DNAH14: variants seen among roughly 807,000 people sequenced by gnomAD.
DNAH14 encodes dynein axonemal heavy chain 14.
Under a neutral mutation model 520.9 loss-of-function variants are expected in DNAH14, and 478 were observed. The ratio of observed to expected loss-of-function variants is 0.92; its 90% CI spans 0.85 to 0.99. The LOEUF (loss-of-function observed/expected upper bound fraction) is 0.99. Among genes scored for constraint, DNAH14 ranks in the 50% least tolerant of loss-of-function variants. The pLI is 0.00. For missense variants in DNAH14, 4,831 were observed against 5,234.5 expected (o/e 0.92, Z 2.38); for synonymous variants, 1,581 against 1,757.2 (o/e 0.90, Z 2.51).
At chr1:225,393,814 G>GTTTTTTTTTTTT (rs1354333069) in intron 84 of DNAH14, among the ~76,000 whole-genome samples, 1 of 143,120 alleles carries the variant, frequency 7.0e-6, no homozygotes. Context: ...ATCTTTTTTT[G>GTTTTTTTTTTTT]TTTTTTTTTT....
At chr1:225,147,345 T>C (rs2080047675) in intron 31 of DNAH14, 96 bp downstream of exon 31, 1 of 1,309,856 alleles carries the variant, frequency 7.6e-7, no homozygotes, top group Non-Finnish European at 9.9e-7. Flanking sequence ...AATAAGTGTT[T>C]AGGTCTTTGG....
At chr1:225,181,134 C>T (rs1002708731) in intron 36 of DNAH14, among the ~76,000 whole-genome samples, 1 of 152,112 alleles carries the variant, frequency 6.6e-6, no homozygotes, top group Non-Finnish European at 1.5e-5. Context: ...CATCTGCATC[C>T]ATGTTGCTAT....
At chr1:225,034,206 G>A (rs1243357210) in intron 11 of DNAH14, among the ~76,000 whole-genome samples, 1 of 151,970 alleles carries the variant, frequency 6.6e-6, no homozygotes, top group Non-Finnish European at 1.5e-5. Flanking sequence ...GTTTGTCATA[G>A]ATGACTCATT....
intron 66 of DNAH14, among the ~76,000 whole-genome samples, chr1:225,335,587 A>G (rs115873637): frequency 1.3e-5 from 1 of 75,110 alleles, no homozygotes; most frequent in Non-Finnish European, 2.5e-5. Context: ...ATATGTGCAT[A>G]TATGTATATA....
intron 35 of DNAH14, among the ~76,000 whole-genome samples, chr1:225,165,861 A>C (rs566856604): frequency 6.2e-4 from 94 of 152,274 alleles, no homozygotes; most frequent in African/African-American, 2.2e-3. Context: ...CTGGGGTTAC[A>C]GTAGTGAGAC....
chr1:225,089,464 A>AAAAAAAAAAAAAAAG (rs775049047), intron 21 of DNAH14, among the ~76,000 whole-genome samples: 10 of 138,384 alleles, frequency 7.2e-5, no homozygotes, highest in Non-Finnish European at 1.3e-4. Flanking sequence ...AAAAAAAAAA[A>AAAAAAAAAAAAAAAG]AGAGAGCGAG....
Position 225,389,768 on chromosome 1 carries a change from AT to A in DNAH14, c.13227del (p.Pro4410HisfsTer61), listed in dbSNP as rs2095882140. On this transcript the variant is annotated frameshift_variant, in exon 83 of 86. Transcript: ENST00000682510. LOFTEE classifies it high-confidence loss of function. Reference sequence around the variant, plus strand: ...ATTTGTCACAGTTTGGAAGCAGTCTATTCCATCAACTAGCCAAAAATGCAAA... The same window carrying A: ...ATTTGTCACAGTTTGGAAGCAGTCTATCCATCAACTAGCCAAAAATGCAAA... ...MRFVTVWKQS[I>X]PSTSQKCKHP... The A allele has an allele frequency of 6.4e-7, 1 of 1,552,124 alleles. No individual in the cohort carries two copies. Among genetic ancestry groups the A allele is most frequent in the African/African-American group, 1.4e-5 (1 of 73,060 alleles).
At chr1:225,233,553 G>C (rs562761058) in intron 42 of DNAH14, among the ~76,000 whole-genome samples, 17 of 152,302 alleles carry the variant, frequency 1.1e-4, no homozygotes, top group Admixed American at 1.0e-3. Context: ...TGTCTCTAAT[G>C]ATCAGTGATG....
At chr1:225,206,215 A>C in intron 40 of DNAH14, 36 bp downstream of exon 40, 1 of 1,497,942 alleles carries the variant, frequency 6.7e-7, no homozygotes, top group Non-Finnish European at 9.0e-7. Flanking sequence ...AACAAAGCAA[A>C]AATGTTGTTT....
At position 225,398,637 on chromosome 1, in the gene DNAH14, T is replaced by C; in HGVS notation, c.13609T>C (p.Phe4537Leu). ...DSLPLEMCCD[F>L]PDIYFLPTKI... ...GCTGCCTCTGGAGATGTGCTGTGAT[T>C]TTCCCGACATATACTTTTTGCCAAC... is the stretch of plus-strand genomic sequence containing the variant. Residue 4537 changes from phenylalanine to leucine, a missense_variant, in exon 85 of 86, where the codon TTT becomes CTT. Transcript: ENST00000682510. The C allele has an allele frequency of 6.4e-7, 1 of 1,551,742 alleles. No homozygotes were observed. The highest frequency in any genetic ancestry group is 8.7e-7 in the Non-Finnish European group (1 of 1,146,992).
At position 225,206,102 on chromosome 1, in the gene DNAH14, A is replaced by G; in HGVS notation, c.6109A>G (p.Ile2037Val). 1 of 1,551,412 alleles carries G rather than the reference A, an allele frequency of 6.4e-7. No individual in the cohort carries two copies. Among genetic ancestry groups the G allele is most frequent in the East Asian group, 2.4e-5 (1 of 40,918 alleles). Residue 2037 changes from isoleucine to valine, a missense_variant, in exon 40 of 86, where the codon ATA (isoleucine) becomes GTA (valine). Ile to Val is a conservative substitution (Grantham distance 29). Coordinates refer to ENST00000682510, the MANE Select transcript of DNAH14 (RefSeq NM_001367479.1). The part of the protein sequence containing the change: ...NSERIALTNK[I>V]RVIFEVDNLS... The stretch of plus-strand genomic sequence containing the variant: ...TGAGAGAATAGCTTTAACTAATAAA[A>G]TAAGAGTGATTTTTGAAGTGGACAA...
At chr1:225,045,793 C>T (rs530522665) in intron 15 of DNAH14, among the ~76,000 whole-genome samples, 3 of 152,164 alleles carry the variant, frequency 2.0e-5, no homozygotes, top group African/African-American at 7.2e-5. Flanking sequence ...CCAGGTTTCT[C>T]CATGATGAAG....
chr1:225,158,572 C>G (rs1386935485), intron 34 of DNAH14, among the ~76,000 whole-genome samples: 1 of 152,168 alleles, frequency 6.6e-6, no homozygotes, highest in Non-Finnish European at 1.5e-5. Flanking sequence ...AAGTGACTGC[C>G]ATACACTGAT....
chr1:225,399,173 A>C lies in DNAH14; in HGVS notation c.13758A>C (p.Thr4586=). 1.9e-6 allele frequency: 3 copies of C among 1,551,798 alleles called. No homozygotes were observed. Among genetic ancestry groups the C allele is most frequent in the Non-Finnish European group, 2.6e-6 (3 of 1,147,010 alleles). ...TTTTGGCAACTACCGGTTTACCAAC[A>C]AACTTTTTAACATCAGTGTATTTAT... ...SRILATTGLP[T]NFLTSVYLST... The change falls in exon 86 of 86, where the codon ACA becomes ACC. Residue 4586 remains threonine, a synonymous_variant. Coordinates refer to ENST00000682510, the MANE Select transcript of DNAH14 (RefSeq NM_001367479.1).
intron 44 of DNAH14, among the ~76,000 whole-genome samples, chr1:225,255,596 T>G (rs2092704587): frequency 6.6e-6 from 1 of 152,206 alleles, no homozygotes; most frequent in Admixed American, 6.5e-5. Context: ...AGGGAATCCC[T>G]GAGTAGTCTC....
At chr1:225,229,578 C>T (rs1447710329) in intron 41 of DNAH14, among the ~76,000 whole-genome samples, 1 of 152,140 alleles carries the variant, frequency 6.6e-6, no homozygotes, top group African/African-American at 2.4e-5. Context: ...CCATGGAATA[C>T]TATGCAGCCA....
At chr1:225,055,806 A>G (rs914109452) in intron 17 of DNAH14, among the ~76,000 whole-genome samples, 1 of 150,586 alleles carries the variant, frequency 6.6e-6, no homozygotes, top group African/African-American at 2.4e-5. Flanking sequence ...TGTCCTTGCG[A>G]TAGTTTGCTG....
At chr1:225,217,887 A>G (rs766984607) in intron 41 of DNAH14, among the ~76,000 whole-genome samples, 1 of 152,054 alleles carries the variant, frequency 6.6e-6, no homozygotes, top group Non-Finnish European at 1.5e-5. Context: ...CATGGGCTGC[A>G]CCTACTGTCT....
At chr1:224,970,670 G>A (rs574179884) in intron 7 of DNAH14, among the ~76,000 whole-genome samples, 8 of 152,180 alleles carry the variant, frequency 5.3e-5, no homozygotes, top group South Asian at 4.1e-4. Flanking sequence ...AAGAACCTAC[G>A]TGAAATATTG....
Sources: gnomAD v4.1 joint callset for allele counts (sites outside exome capture counted in the v4.1 genomes callset) on GRCh38, gnomAD v4.1.1 for gene constraint, MANE v1.5 for transcripts, NCBI Gene and HGNC (gene_info 2026-07-23, HGNC 2026-07-21) for gene names.